ARSB: variants seen among roughly 807,000 people sequenced by gnomAD.
The protein encoded by ARSB is N-acetylgalactosamine-4-sulfatase.
ARSB carries 41 observed loss-of-function variants against 50.9 expected under a neutral mutation model. That is an observed-to-expected ratio of 0.81 (90% CI 0.63 to 1.04). ARSB has a LOEUF of 1.04. Among genes scored for constraint, ARSB ranks in the 50% least tolerant of loss-of-function variants. The pLI, the probability that ARSB is intolerant of heterozygous loss-of-function variation, is 0.00. For synonymous variants in ARSB, 269 were observed against 284.8 expected (o/e 0.94, Z 0.56); for missense variants, 672 against 693.3 (o/e 0.97, Z 0.35).
intron 6 of ARSB, among the ~76,000 whole-genome samples, chr5:78,833,722 AG>A (rs2112701807): frequency 6.6e-6 from 1 of 152,368 alleles, no homozygotes; most frequent in African/African-American, 2.4e-5. Context: ...AGGCCGAGCC[AG>A]GCCAGAGGCA....
intron 6 of ARSB, among the ~76,000 whole-genome samples, chr5:78,818,748 G>T (rs913820382): frequency 1.3e-5 from 2 of 151,838 alleles, no homozygotes; most frequent in African/African-American, 2.4e-5. Flanking sequence ...CTCTTGAGTA[G>T]CTGGGACTTC....
At chr5:78,820,313 C>G (rs339027) in intron 6 of ARSB, among the ~76,000 whole-genome samples, 125,030 of 152,260 alleles carry the variant, frequency 0.82, 51,420 homozygotes, top group Middle Eastern at 0.88. Flanking sequence ...ATTTAGGAAA[C>G]AAGGTTGATT....
chr5:78,860,961 C>A (rs940753003), intron 5 of ARSB, among the ~76,000 whole-genome samples: 34 of 152,156 alleles, frequency 2.2e-4, no homozygotes, highest in Non-Finnish European at 2.2e-4. Flanking sequence ...ATACAAACTA[C>A]CGTCAGAGAA....
intron 4 of ARSB, among the ~76,000 whole-genome samples, chr5:78,941,424 T>C (rs1750916389): frequency 6.6e-6 from 1 of 152,218 alleles, no homozygotes; most frequent in Non-Finnish European, 1.5e-5. Flanking sequence ...GGGTTTGTCA[T>C]AGATAGCTCT....
chr5:78,919,102 G>A (rs1404554603), intron 4 of ARSB, among the ~76,000 whole-genome samples: 3 of 152,188 alleles, frequency 2.0e-5, no homozygotes, highest in African/African-American at 7.2e-5. Flanking sequence ...AGAGAAGAAG[G>A]TGGAGTTGCA....
Position 78,922,388 on chromosome 5 carries a change from T to C in ARSB, c.898+32907A>G, listed in dbSNP as rs186980563. On this transcript the variant is annotated intron_variant, in intron 4 of 7. Coordinates refer to ENST00000264914, the MANE Select transcript of ARSB (RefSeq NM_000046.5). ...CAGCAGGATAGGGCACCAGACAGAG[T>C]CCTGAGGTCCCCATTCCAGGCCCTA... Among the ~76,000 whole-genome samples, 722 of 151,374 alleles carry C rather than the reference T, an allele frequency of 4.8e-3. 2 individuals carry two copies. The highest frequency in any genetic ancestry group is 6.8e-3 in the Non-Finnish European group (459 of 67,802).
intron 4 of ARSB, among the ~76,000 whole-genome samples, chr5:78,935,066 A>G (rs1750520825): frequency 6.6e-6 from 1 of 152,172 alleles, no homozygotes; most frequent in Non-Finnish European, 1.5e-5. Flanking sequence ...AAGGAGATGA[A>G]TTAAAAGCAG....
At chr5:78,889,560 C>T (rs1018031257) in intron 4 of ARSB, among the ~76,000 whole-genome samples, 17 of 152,246 alleles carry the variant, frequency 1.1e-4, no homozygotes, top group African/African-American at 4.1e-4. Flanking sequence ...AAGGCCTTTA[C>T]TGTCTAGAAA....
At chr5:78,970,123 G>A (rs1752389951) in intron 1 of ARSB, among the ~76,000 whole-genome samples, 1 of 152,050 alleles carries the variant, frequency 6.6e-6, no homozygotes, top group Non-Finnish European at 1.5e-5. Flanking sequence ...TTAACTTTTG[G>A]TGTAATATTG....
intron 6 of ARSB, among the ~76,000 whole-genome samples, chr5:78,800,362 G>C (rs1026242154): frequency 6.7e-6 from 1 of 149,700 alleles, no homozygotes; most frequent in Admixed American, 6.7e-5. Flanking sequence ...AGCAAAGTAG[G>C]AAGCTGTGCA....
At chr5:78,854,624 G>A (rs1746046400) in intron 5 of ARSB, among the ~76,000 whole-genome samples, 1 of 144,578 alleles carries the variant, frequency 6.9e-6, no homozygotes, top group Non-Finnish European at 1.6e-5. Flanking sequence ...GCAGTAACAA[G>A]GTTTTCTCTT....
At chr5:78,925,719 A>T (rs951843837) in intron 4 of ARSB, among the ~76,000 whole-genome samples, 4 of 152,178 alleles carry the variant, frequency 2.6e-5, no homozygotes, top group African/African-American at 9.7e-5. Flanking sequence ...GCAGCACCTG[A>T]AATGGAAAGT....
chr5:78,874,975 T>C (rs944907132), intron 5 of ARSB, among the ~76,000 whole-genome samples: 8 of 152,098 alleles, frequency 5.3e-5, no homozygotes, highest in African/African-American at 1.9e-4. Flanking sequence ...TAGCTGGTTA[T>C]AGCAGTACAT....
At chr5:78,969,284 T>G (rs1752346379) in intron 1 of ARSB, 92 bp from the exon 2 acceptor site, 2 of 1,349,292 alleles carry the variant, frequency 1.5e-6, no homozygotes, top group African/African-American at 1.4e-5. Flanking sequence ...TGATCATATC[T>G]GTTGACTTGG....
At chr5:78,860,687 T>C (rs1746392011) in intron 5 of ARSB, among the ~76,000 whole-genome samples, 2 of 151,850 alleles carry the variant, frequency 1.3e-5, no homozygotes, top group South Asian at 4.2e-4. Context: ...CACCCTAACA[T>C]CACAATTAAA....
Position 78,839,348 on chromosome 5 carries a change from G to C in ARSB, c.1213+8C>G. On this transcript the variant is annotated splice_region_variant and intron_variant, in intron 6 of 7. Transcript: ENST00000264914. ...GATTTAATCTAGTAGCAATGCACTG[G>C]TACTCACACGGTGAAGAGTCCACGA... is the stretch of plus-strand genomic sequence containing the variant. The C allele has an allele frequency of 5.0e-6, 8 of 1,611,710 alleles. No homozygotes were observed. The highest frequency in any genetic ancestry group is 6.8e-6 in the Non-Finnish European group (8 of 1,178,002).
intron 1 of ARSB, among the ~76,000 whole-genome samples, chr5:78,975,430 C>T (rs192540527): frequency 2.6e-5 from 4 of 152,274 alleles, no homozygotes; most frequent in South Asian, 2.1e-4. Flanking sequence ...AGTGAAAAGC[C>T]GTGAAAATGT....
intron 6 of ARSB, among the ~76,000 whole-genome samples, chr5:78,810,726 T>C (rs1374263606): frequency 6.6e-6 from 1 of 152,230 alleles, no homozygotes; most frequent in East Asian, 1.9e-4. Flanking sequence ...CCAAGGACTA[T>C]GTGAGTTAAA....
At chr5:78,839,477 G>T in intron 5 of ARSB, 51 bp from the exon 6 acceptor site, 2 of 1,483,250 alleles carry the variant, frequency 1.3e-6, no homozygotes, top group South Asian at 2.3e-5. Context: ...TAATGGGCAT[G>T]AATTATTTTA....
Sources: allele counts gnomAD v4.1 joint callset (sites outside exome capture counted in the v4.1 genomes callset), GRCh38; gene constraint gnomAD v4.1.1; transcripts MANE v1.5; gene names NCBI Gene and HGNC (gene_info 2026-07-23, HGNC 2026-07-21).